Variants in PPME1 observed in about 807,000 individuals in gnomAD.
PPME1 encodes testicular secretory protein Li 39.
Under a neutral mutation model 56.9 loss-of-function variants are expected in PPME1, and 17 were observed. The observed-to-expected ratio is 0.30, with a 90% confidence interval of 0.20 to 0.45. The LOEUF (loss-of-function observed/expected upper bound fraction) is 0.45. Among genes scored for constraint, PPME1 ranks in the 20% least tolerant of loss-of-function variants. The probability of loss-of-function intolerance (pLI) is 1.00; values close to 1 mark genes in which losing one functional copy is unlikely to be tolerated. For synonymous variants in PPME1, 122 were observed against 156.2 expected (o/e 0.78, Z 1.63); for missense variants, 357 against 483.2 (o/e 0.74, Z 2.45).
chr11:74,231,073 T>C, intron 7 of PPME1, 71 bp downstream of exon 7: 3 of 1,341,454 alleles, frequency 2.2e-6, no homozygotes, highest in Non-Finnish European at 3.1e-6. Flanking sequence ...TTTATTTATT[T>C]AGGAGACAAG....
chr11:74,195,004 GA>G (rs1024666156), intron 1 of PPME1, among the ~76,000 whole-genome samples: 6 of 152,166 alleles, frequency 3.9e-5, no homozygotes, highest in Non-Finnish European at 7.4e-5. Context: ...GCCAGAAATG[GA>G]AATTTGAGTG....
rs1160996700 is a variant in PPME1 at position 74,230,261 on chromosome 11, G to C, written c.415G>C (p.Val139Leu). ...TCTTTGCAGAGACGTTGGCAATGTGGTTGAAGCCATGTATGGGGACCTTCC... is the reference window on the plus strand; with the variant it reads ...TCTTTGCAGAGACGTTGGCAATGTGCTTGAAGCCATGTATGGGGACCTTCC... Reference protein sequence around the residue: ...ETMAKDVGNVVEAMYGDLPPP... With the variant: ...ETMAKDVGNVLEAMYGDLPPP... The change falls in exon 6 of 14, where the codon GTT becomes CTT. Residue 139 changes from valine (V) to leucine (L), a missense_variant. By Grantham distance (32) the Val-to-Leu change is conservative. Coordinates refer to ENST00000328257, the MANE Select transcript of PPME1 (RefSeq NM_016147.3). This position sits in a 1 kb window ranked among gnomAD's most constrained non-coding sequence, Gnocchi z 4.9. 1 of 1,610,566 alleles carries C rather than the reference G, an allele frequency of 6.2e-7. No homozygotes were observed. Among genetic ancestry groups the C allele is most frequent in the South Asian group, 1.1e-5 (1 of 90,230 alleles).
chr11:74,198,361 A>G (rs1425622402), intron 1 of PPME1, among the ~76,000 whole-genome samples: 2 of 152,162 alleles, frequency 1.3e-5, no homozygotes, highest in Admixed American at 1.3e-4. Context: ...TTATTGCAAC[A>G]TATTTTTTCC....
At chr11:74,234,127 CT>C (rs1469919430) in intron 7 of PPME1, among the ~76,000 whole-genome samples, 1 of 152,064 alleles carries the variant, frequency 6.6e-6, no homozygotes, top group Non-Finnish European at 1.5e-5. Context: ...TTAAGGATGA[CT>C]TCTAGGTTTT....
intron 1 of PPME1, 125 bp downstream of exon 1, chr11:74,171,647 G>A: frequency 1.6e-6 from 2 of 1,255,962 alleles, no homozygotes; most frequent in Non-Finnish European, 2.1e-6. Context: ...GCGGCCTGGA[G>A]ATATTTAGAT....
Position 74,253,619 on chromosome 11 carries a change from C to A in PPME1, c.*109C>A. Reference sequence around the variant, plus strand: ...CTCCATCCCGCCCAGCCATGTGACACTGGCTCCCGGTAGACGGGCACCCCG... The same window carrying A: ...CTCCATCCCGCCCAGCCATGTGACAATGGCTCCCGGTAGACGGGCACCCCG... On this transcript the variant is annotated 3_prime_UTR_variant, in exon 14 of 14. Coordinates refer to ENST00000328257, the MANE Select transcript of PPME1 (RefSeq NM_016147.3). 1 of 1,265,598 alleles carries A rather than the reference C, an allele frequency of 7.9e-7. No individual in the cohort carries two copies. The highest frequency in any genetic ancestry group is 1.2e-6 in the Non-Finnish European group (1 of 866,058). 78.4% of individuals were successfully genotyped at this position (1,265,598 alleles called of 1,614,324 possible).
intron 1 of PPME1, among the ~76,000 whole-genome samples, chr11:74,198,299 C>A (rs1366972280): frequency 6.6e-6 from 1 of 151,904 alleles, no homozygotes; most frequent in African/African-American, 2.4e-5. Flanking sequence ...CCATTTTTTT[C>A]TCTTTTTTCT....
intron 11 of PPME1, chr11:74,249,284 A>G (rs1002738370): frequency 6.6e-6 from 1 of 152,262 alleles, no homozygotes; most frequent in Non-Finnish European, 1.5e-5. Context: ...TGACTTAGTT[A>G]TGAAATCCTG....
At position 74,230,139 on chromosome 11, in the gene PPME1, C is replaced by T; in HGVS notation, c.399-106C>T. On this transcript the variant is annotated intron_variant, in intron 5 of 13. Transcript: ENST00000328257. This position sits in a 1 kb window ranked among gnomAD's most constrained non-coding sequence, Gnocchi z 4.9. ...TGTAAGATGGCCCAATAGACTTTTACAGTTTCCCAGCACTGTTACACACCA... is the reference window on the plus strand; with the variant it reads ...TGTAAGATGGCCCAATAGACTTTTATAGTTTCCCAGCACTGTTACACACCA... 1.6e-6 allele frequency: 2 copies of T among 1,254,532 alleles called. No individual in the cohort carries two copies. The highest frequency in any genetic ancestry group is 2.5e-5 in the Admixed American group (1 of 39,686). 77.7% of individuals were successfully genotyped at this position (1,254,532 alleles called of 1,614,324 possible). A position where few individuals can be genotyped will look rare whatever the true frequency, so the allele number is the denominator to read the frequency against.
intron 1 of PPME1, among the ~76,000 whole-genome samples, chr11:74,182,639 T>C (rs945693544): frequency 6.6e-6 from 1 of 152,156 alleles, no homozygotes; most frequent in African/African-American, 2.4e-5. Context: ...GGAGATAGTG[T>C]CTTAACAATG....
Position 74,230,760 on chromosome 11 carries a change from A to G in PPME1, c.554-152A>G. 1 of 676,388 alleles carries G rather than the reference A, an allele frequency of 1.5e-6. No individual in the cohort carries two copies. Among genetic ancestry groups the G allele is most frequent in the Non-Finnish European group, 2.5e-6 (1 of 396,260 alleles). The allele number at this position is 676,388 out of a possible 1,614,324, so 41.9% of individuals were successfully genotyped here. ...CATGACATAAAGAAGTGAATACCCC[A>G]GAGGCAAAAATTATTGAGGGCCATC... On this transcript the variant is annotated intron_variant, in intron 6 of 13. Coordinates refer to ENST00000328257, the MANE Select transcript of PPME1 (RefSeq NM_016147.3). The surrounding 1 kb of genome is among the most constrained non-coding windows in gnomAD (Gnocchi z 4.9).
intron 8 of PPME1, chr11:74,238,749 G>T (rs1182856845): frequency 1.3e-5 from 2 of 156,178 alleles, no homozygotes; most frequent in African/African-American, 4.8e-5. Flanking sequence ...TTTGGAGTTA[G>T]TTGAGCCTGG....
intron 3 of PPME1, among the ~76,000 whole-genome samples, chr11:74,210,987 CAAACTACTAGTT>C (rs1858458817): frequency 6.6e-6 from 1 of 152,298 alleles, no homozygotes; most frequent in South Asian, 2.1e-4. Flanking sequence ...AATCAACTGA[CAAACTACTAGTT>C]AAGCAGTTTA....
chr11:74,183,381 A>G (rs1423478977), intron 1 of PPME1, among the ~76,000 whole-genome samples: 1 of 152,228 alleles, frequency 6.6e-6, no homozygotes, highest in African/African-American at 2.4e-5. Context: ...TATATGAAAC[A>G]TTCCATCACC....
chr11:74,239,006 C>G (rs916820585), intron 8 of PPME1, 127 bp from the exon 9 acceptor site: 1 of 926,682 alleles, frequency 1.1e-6, no homozygotes, highest in South Asian at 1.8e-5. Flanking sequence ...CAATTCTATC[C>G]TCCTACCAGG....
chr11:74,222,173 T>C (rs925024522), intron 3 of PPME1, 139 bp from the exon 4 acceptor site: 2 of 654,376 alleles, frequency 3.1e-6, no homozygotes, highest in African/African-American at 3.7e-5. Flanking sequence ...TCTTTCATTT[T>C]GCTTAAAACT....
intron 1 of PPME1, among the ~76,000 whole-genome samples, chr11:74,179,028 T>C (rs1349089685): frequency 6.6e-6 from 1 of 151,954 alleles, no homozygotes; most frequent in African/African-American, 2.4e-5. Context: ...ATTCTACCAA[T>C]ATATTTTGAA....
chr11:74,179,351 A>G (rs1857475092), intron 1 of PPME1, among the ~76,000 whole-genome samples: 1 of 152,212 alleles, frequency 6.6e-6, no homozygotes, highest in Non-Finnish European at 1.5e-5. Flanking sequence ...CAAAACAACC[A>G]GGCATGGTGG....
chr11:74,242,830 G>A (rs552458318), intron 9 of PPME1, among the ~76,000 whole-genome samples: 61 of 130,858 alleles, frequency 4.7e-4, no homozygotes, highest in African/African-American at 1.7e-3. Context: ...AGTGAGCCGA[G>A]ATTGTGCCAC....
Sources: allele counts gnomAD v4.1 joint callset (sites outside exome capture counted in the v4.1 genomes callset), GRCh38; gene constraint gnomAD v4.1.1; non-coding constraint Gnocchi (gnomAD v3.1); transcripts MANE v1.5; gene names NCBI Gene and HGNC (gene_info 2026-07-23, HGNC 2026-07-21).